Variants in MCTP1 observed in about 807,000 individuals in gnomAD.
The protein encoded by MCTP1 is multiple C2 and transmembrane domain containing 1.
Under a neutral mutation model 120.6 loss-of-function variants are expected in MCTP1, and 69 were observed. The ratio of observed to expected loss-of-function variants is 0.57; its 90% CI spans 0.47 to 0.70. The LOEUF (loss-of-function observed/expected upper bound fraction) is 0.70. Among genes scored for constraint, MCTP1 ranks in the 30% least tolerant of loss-of-function variants. MCTP1 has a pLI of 0.00. For synonymous variants in MCTP1, 529 were observed against 493.1 expected, an observed-to-expected ratio of 1.07 and a Z score of -0.96; for missense variants, 1,203 against 1,248.8, an observed-to-expected ratio of 0.96 and a Z score of 0.55.
chr5:95,099,509 A>G (rs1325673210), intron 1 of MCTP1, among the ~76,000 whole-genome samples: 1 of 152,070 alleles, frequency 6.6e-6, no homozygotes, highest in African/African-American at 2.4e-5. Context: ...GCAGCCAAAA[A>G]ACACATGAAA....
rs13436098 is a variant in MCTP1, at chr5:94,903,527, A to C, written c.1652+5724T>G. On this transcript the variant is annotated intron_variant, in intron 10 of 22. Coordinates refer to ENST00000515393, the MANE Select transcript of MCTP1 (RefSeq NM_024717.7). ...GCCATAGATTTATTTTTATGGCTGT[A>C]GATTTTGAAAGCATTTGTTCTTCAC... Among the ~76,000 whole-genome samples the C allele has an allele frequency of 8.9e-4, 135 of 152,316 alleles. 1 individual carries two copies. The highest frequency in any genetic ancestry group is 1.7e-3 in the Non-Finnish European group (113 of 68,024).
chr5:94,948,836 A>G (rs1362135290), intron 3 of MCTP1, among the ~76,000 whole-genome samples: 1 of 152,184 alleles, frequency 6.6e-6, no homozygotes, highest in Non-Finnish European at 1.5e-5. Context: ...GTGTACAACC[A>G]GGGATGAGAA....
chr5:94,997,881 A>C (rs938678416), intron 2 of MCTP1, among the ~76,000 whole-genome samples: 4 of 152,302 alleles, frequency 2.6e-5, no homozygotes, highest in Admixed American at 2.0e-4. Context: ...TTAATCTAAA[A>C]TTTATCATTT....
chr5:94,941,848 C>A (rs173575), intron 4 of MCTP1, among the ~76,000 whole-genome samples: 40,303 of 151,936 alleles, frequency 0.27, 6,068 homozygotes, highest in Admixed American at 0.36. Flanking sequence ...CAAATACAAC[C>A]AACCTGCCTC....
chr5:94,748,170 G>A (rs1254700600), intron 19 of MCTP1, among the ~76,000 whole-genome samples: 1 of 152,206 alleles, frequency 6.6e-6, no homozygotes, highest in Non-Finnish European at 1.5e-5. Flanking sequence ...TCTGTAATTT[G>A]ATGTGGGTTT....
chr5:95,159,639 C>A (rs1745499301), intron 1 of MCTP1, among the ~76,000 whole-genome samples: 2 of 151,922 alleles, frequency 1.3e-5, no homozygotes, highest in Non-Finnish European at 2.9e-5. Context: ...TTAGCACCAT[C>A]CATACCCAGT....
rs1051531556 is a variant in MCTP1 at position 95,246,132 on chromosome 5, G to T, written c.720+37724C>A. 3.9e-5 allele frequency among the ~76,000 whole-genome samples: 6 copies of T among 152,148 alleles called. No homozygotes were observed. In the East Asian group the frequency reaches 1.2e-3, roughly 29 times the overall value. ...CCTTTACAGACAAGAAATGCTGAGA[G>T]ATTTTGTCAACACCAGGCCTGCATT... On this transcript the variant is annotated intron_variant, in intron 1 of 22. Transcript: ENST00000515393.
At chr5:94,865,628 A>G (rs1581101769) in intron 17 of MCTP1, among the ~76,000 whole-genome samples, 3 of 152,086 alleles carry the variant, frequency 2.0e-5, no homozygotes, top group Middle Eastern at 6.8e-3. Flanking sequence ...TTATACAATG[A>G]AATCTTTGAA....
At chr5:94,987,420 A>G (rs967022123) in intron 2 of MCTP1, among the ~76,000 whole-genome samples, 1 of 152,178 alleles carries the variant, frequency 6.6e-6, no homozygotes, top group African/African-American at 2.4e-5. Context: ...GGAATTGATT[A>G]TCTAACATTT....
intron 1 of MCTP1, among the ~76,000 whole-genome samples, chr5:95,220,663 C>T (rs1753587482): frequency 6.6e-6 from 1 of 152,192 alleles, no homozygotes; most frequent in African/African-American, 2.4e-5. Context: ...CTTAATAGCT[C>T]AGAACAACAA....
At chr5:95,014,073 C>G (rs1453392963) in intron 2 of MCTP1, among the ~76,000 whole-genome samples, 1 of 151,682 alleles carries the variant, frequency 6.6e-6, no homozygotes, top group East Asian at 1.9e-4. Flanking sequence ...CCAGCCTGGG[C>G]AACATAGTGA....
intron 1 of MCTP1, among the ~76,000 whole-genome samples, chr5:95,051,861 A>G (rs1476589757): frequency 6.6e-6 from 1 of 152,122 alleles, no homozygotes; most frequent in Non-Finnish European, 1.5e-5. Context: ...AAAGAAGGCA[A>G]CAACAGACAC....
intron 1 of MCTP1, among the ~76,000 whole-genome samples, chr5:95,169,354 TCTC>T (rs1212267074): frequency 6.6e-6 from 1 of 152,214 alleles, no homozygotes; most frequent in African/African-American, 2.4e-5. Context: ...GGTCTATAAT[TCTC>T]TTTTTTTGTG....
At chr5:94,713,585 G>A (rs899958471) in intron 20 of MCTP1, among the ~76,000 whole-genome samples, 3 of 152,174 alleles carry the variant, frequency 2.0e-5, no homozygotes, top group Non-Finnish European at 4.4e-5. Context: ...GCTTCACACT[G>A]TTTCAGTGGA....
At chr5:94,908,364 T>A (rs1807487162) in intron 10 of MCTP1, among the ~76,000 whole-genome samples, 1 of 151,940 alleles carries the variant, frequency 6.6e-6, no homozygotes, top group Admixed American at 6.6e-5. Flanking sequence ...TATATATAAC[T>A]GCATCATAAA....
At chr5:95,042,410 T>G (rs11953542) in intron 1 of MCTP1, among the ~76,000 whole-genome samples, 2,454 of 152,252 alleles carry the variant, frequency 0.016, 68 homozygotes, top group African/African-American at 0.057. Context: ...AGTTATTGTC[T>G]TTTTGTCATG....
chr5:95,163,334 A>C (rs1745958479), intron 1 of MCTP1, among the ~76,000 whole-genome samples: 1 of 152,186 alleles, frequency 6.6e-6, no homozygotes, highest in Non-Finnish European at 1.5e-5. Context: ...AATGCTTTTT[A>C]AATGTTCTGT....
At chr5:95,137,978 A>C (rs1759572555) in intron 1 of MCTP1, among the ~76,000 whole-genome samples, 1 of 152,194 alleles carries the variant, frequency 6.6e-6, no homozygotes, top group African/African-American at 2.4e-5. Flanking sequence ...TATGATACTT[A>C]ATAAAAGTCC....
At chr5:95,253,425 A>G (rs1300994714) in intron 1 of MCTP1, among the ~76,000 whole-genome samples, 1 of 152,154 alleles carries the variant, frequency 6.6e-6, no homozygotes, top group Non-Finnish European at 1.5e-5. Flanking sequence ...TATATAACAC[A>G]TGACATACAC....
Sources: gnomAD v4.1 joint callset for allele counts (sites outside exome capture counted in the v4.1 genomes callset) on GRCh38, gnomAD v4.1.1 for gene constraint, MANE v1.5 for transcripts, NCBI Gene and HGNC (gene_info 2026-07-23, HGNC 2026-07-21) for gene names.